Variants in UBAP2L observed in about 807,000 individuals in gnomAD.
UBAP2L encodes the protein ubiquitin associated protein 2 like.
A neutral mutation model predicts 130.6 loss-of-function variants in UBAP2L; 12 were observed. That is an observed-to-expected ratio of 0.09 (90% CI 0.06 to 0.15). The LOEUF (loss-of-function observed/expected upper bound fraction) is 0.15. Among genes scored for constraint, UBAP2L ranks in the 10% least tolerant of loss-of-function variants. The probability of loss-of-function intolerance (pLI) is 1.00; values close to 1 mark genes in which losing one functional copy is unlikely to be tolerated. For synonymous variants in UBAP2L, 503 were observed against 524.7 expected, an observed-to-expected ratio of 0.96 and a Z score of 0.57; for missense variants, 965 against 1,332.5, an observed-to-expected ratio of 0.72 and a Z score of 4.29.
rs756575422 is a variant in UBAP2L at position 154,261,747 on chromosome 1, A to G, written c.2902+50A>G. 24 of 1,579,222 alleles carry G rather than the reference A, an allele frequency of 1.5e-5. No homozygotes were observed. In the Admixed American group the frequency reaches 4.0e-4, roughly 27 times the overall value. On this transcript the variant is annotated intron_variant, in intron 24 of 26. Transcript: ENST00000428931. ...GGTGTTATCTGTGGGGTGTTATTGG[A>G]TAAATTTCAGGGAGGAAGACTTGGT...
intron 22 of UBAP2L, 113 bp from the exon 23 acceptor site, chr1:154,260,779 A>C (rs918527838): frequency 1.2e-5 from 12 of 1,026,602 alleles, no homozygotes; most frequent in East Asian, 7.6e-5. Context: ...CAAGGAATTG[A>C]ACTTTAATAG....
chr1:154,235,646 A>T (rs1671422834), intron 6 of UBAP2L, among the ~76,000 whole-genome samples: 1 of 152,146 alleles, frequency 6.6e-6, no homozygotes, highest in African/African-American at 2.4e-5. Flanking sequence ...AGTAGCTGGG[A>T]TTACAAGCGT....
intron 20 of UBAP2L, 101 bp from the exon 21 acceptor site, chr1:154,258,876 A>T: frequency 1.1e-6 from 1 of 941,614 alleles, no homozygotes; most frequent in Non-Finnish European, 1.7e-6. Context: ...TCTAACCCAG[A>T]ATGAGGATGA....
chr1:154,250,778 C>T (rs1305705260), intron 12 of UBAP2L, among the ~76,000 whole-genome samples: 9 of 145,052 alleles, frequency 6.2e-5, no homozygotes, highest in Admixed American at 2.9e-4. Flanking sequence ...ACCCAGGAGT[C>T]GGATGTTGAA....
intron 12 of UBAP2L, 98 bp from the exon 13 acceptor site, chr1:154,250,943 T>C (rs1677410071): frequency 7.4e-7 from 1 of 1,346,424 alleles, no homozygotes; most frequent in African/African-American, 1.5e-5. Context: ...GAGTTTCTGA[T>C]TTTTACAGTC....
rs11412846 is a variant in UBAP2L at position 154,254,816 on chromosome 1, G to GTT, written c.1855-7_1855-6dup. On this transcript the variant is annotated intron_variant, in intron 15 of 26. Transcript: ENST00000428931. ...GAGTTTGTCTGTTTCTTGCTCTTCT[G>GTT]TTTTTTTTTTTTTTACCAGAATGGC... 0.054 allele frequency: 76,714 copies of GTT among 1,421,432 alleles called. 2 individuals are homozygous for GTT. Among genetic ancestry groups the GTT allele is most frequent in the East Asian group, 0.14 (5,315 of 37,368 alleles). 88.1% of individuals were successfully genotyped at this position (1,421,432 alleles called of 1,614,324 possible).
At chr1:154,255,475 G>A in intron 17 of UBAP2L, 149 bp downstream of exon 17, 1 of 1,218,560 alleles carries the variant, frequency 8.2e-7, no homozygotes, top group Non-Finnish European at 1.1e-6. Flanking sequence ...AGTGAAGACA[G>A]AGGAGGCTTG....
chr1:154,257,009 C>T (rs957576176), intron 18 of UBAP2L, 54 bp from the exon 19 acceptor site: 1 of 1,570,156 alleles, frequency 6.4e-7, no homozygotes, highest in Non-Finnish European at 8.6e-7. Context: ...TTTTCCTGAC[C>T]TATGATGCTG....
intron 25 of UBAP2L, among the ~76,000 whole-genome samples, chr1:154,268,363 G>A (rs1683972891): frequency 6.6e-6 from 1 of 151,896 alleles, no homozygotes; most frequent in African/African-American, 2.4e-5. Flanking sequence ...GCTAATTTTT[G>A]TATTTTTAGT....
Position 154,235,262 on chromosome 1 carries a change from G to A in UBAP2L, c.515G>A (p.Arg172Lys). 1 of 779,320 alleles carries A rather than the reference G, an allele frequency of 1.3e-6. No homozygotes were observed. The highest frequency in any genetic ancestry group is 2.4e-6 in the Non-Finnish European group (1 of 417,746). The allele number at this position is 779,320 out of a possible 1,614,324, so 48.3% of individuals were successfully genotyped here. A position where few individuals can be genotyped will look rare whatever the true frequency, so the allele number is the denominator to read the frequency against. The change falls in exon 6 of 27, where the codon AGA becomes AAA. Residue 172 changes from arginine (R) to lysine (K), a missense_variant. Physicochemically the swap from Arg to Lys is conservative, Grantham distance 26. Around this residue, in one of 9 missense-constraint regions of UBAP2L, gnomAD observed 109 missense variants for 146.6 expected, o/e 0.74. Transcript: ENST00000428931. ...GGGCCTTCTGGAAGAGGAACAGAAA[G>A]AGGCAGAAGGGGCCGTGGCCGAGGC... ...SGGPSGRGTE[R>K]GRRGRGRGRG...
intron 4 of UBAP2L, among the ~76,000 whole-genome samples, chr1:154,234,357 T>C (rs188797677): frequency 3.9e-5 from 6 of 152,000 alleles, no homozygotes; most frequent in Admixed American, 2.0e-4. Context: ...AGCGAGACTC[T>C]GTCTCAAAAA....
At chr1:154,266,799 A>T (rs1402093828) in intron 25 of UBAP2L, among the ~76,000 whole-genome samples, 1 of 152,174 alleles carries the variant, frequency 6.6e-6, no homozygotes, top group Admixed American at 6.5e-5. Context: ...AGCGTGGCAA[A>T]TTGTTTATCG....
chr1:154,260,982 A>T lies in UBAP2L; in HGVS notation c.2669A>T (p.His890Leu), dbSNP rs1268300881. 1.2e-6 allele frequency: 2 copies of T among 1,614,010 alleles called. No individual in the cohort carries two copies. Among genetic ancestry groups the T allele is most frequent in the Non-Finnish European group, 1.7e-6 (2 of 1,180,028 alleles). ...AQPQQNQTQT[H>L]HTTQQTFLNP... The stretch of plus-strand genomic sequence containing the variant: ...CCCCAACAGAACCAGACGCAGACTC[A>T]CCATACCACGCAGCAGACATTCCTG... Residue 890 changes from histidine to leucine, a missense_variant, in exon 23 of 27, where the codon CAC becomes CTC. By Grantham distance (99) the His-to-Leu change is moderately conservative (BLOSUM62 -3). This residue lies in a region of UBAP2L where 194 missense variants were observed against 334.0 expected (regional missense o/e 0.58). Transcript: ENST00000428931.
rs1189122139 is a variant in UBAP2L, at chr1:154,226,324, A to G, written c.91-958A>G. On this transcript the variant is annotated intron_variant, in intron 2 of 26. Coordinates refer to ENST00000428931, the MANE Select transcript of UBAP2L (RefSeq NM_014847.4). ...TGCTCAATTTTAAGTTTTAAAGAGT[A>G]AATTAACCTCTTGGATATTAACTTT... 2.0e-5 allele frequency among the ~76,000 whole-genome samples: 3 copies of G among 152,268 alleles called. No homozygotes were observed. In the East Asian group the frequency reaches 5.8e-4, roughly 29 times the overall value.
At chr1:154,228,747 C>A in intron 4 of UBAP2L, 22 bp downstream of exon 4, 1 of 1,572,976 alleles carries the variant, frequency 6.4e-7, no homozygotes, top group South Asian at 1.1e-5. Context: ...ATAGAGTGTT[C>A]TAGGACATGG....
chr1:154,255,036 G>A lies in UBAP2L; in HGVS notation c.1910-116G>A, dbSNP rs1025223612. On this transcript the variant is annotated intron_variant, in intron 16 of 26. Coordinates refer to ENST00000428931, the MANE Select transcript of UBAP2L (RefSeq NM_014847.4). Reference sequence around the variant, plus strand: ...AAGAAAAAAGATTCTACCTAATATAGTCCATTGTTAAATAACTCATCCTTT... The same window carrying A: ...AAGAAAAAAGATTCTACCTAATATAATCCATTGTTAAATAACTCATCCTTT... 7.8e-6 allele frequency: 11 copies of A among 1,415,238 alleles called. No homozygotes were observed. In the South Asian group the frequency reaches 1.5e-4, roughly 19 times the overall value. 87.7% of individuals were successfully genotyped at this position (1,415,238 alleles called of 1,614,324 possible).
intron 3 of UBAP2L, 46 bp downstream of exon 3, chr1:154,227,405 G>GTAT (rs766425189): frequency 2.6e-6 from 4 of 1,524,500 alleles, no homozygotes; most frequent in Non-Finnish European, 3.6e-6. Context: ...AAAGATACCA[G>GTAT]TATTAAGGCA....
At position 154,241,531 on chromosome 1, in the gene UBAP2L, C is replaced by T; in HGVS notation, c.722C>T (p.Thr241Ile). ...TTCTCAGGTGCATGGAGGACTGCAA[C>T]AGAGGAGTGGGGGACTGAAGATTGG... Reference protein sequence around the residue: ...DDGTSAWRTATEEWGTEDWNE... With the variant: ...DDGTSAWRTAIEEWGTEDWNE... The change falls in exon 9 of 27, where the codon ACA (threonine) becomes ATA (isoleucine). Residue 241 changes from threonine (T) to isoleucine (I), a missense_variant. Around this residue, in one of 9 missense-constraint regions of UBAP2L, gnomAD observed 19 missense variants for 52.1 expected, o/e 0.36. Coordinates refer to ENST00000428931, the MANE Select transcript of UBAP2L (RefSeq NM_014847.4). 6.2e-7 allele frequency: 1 copy of T among 1,613,996 alleles called. No individual in the cohort carries two copies. The highest frequency in any genetic ancestry group is 8.5e-7 in the Non-Finnish European group (1 of 1,179,954).
intron 8 of UBAP2L, among the ~76,000 whole-genome samples, chr1:154,239,906 A>G (rs1672933144): frequency 1.3e-5 from 2 of 152,238 alleles, no homozygotes; most frequent in Non-Finnish European, 2.9e-5. Context: ...GAATATTGTC[A>G]TTATTAAGTG....
Sources: allele counts gnomAD v4.1 joint callset (sites outside exome capture counted in the v4.1 genomes callset), GRCh38; gene constraint gnomAD v4.1.1; regional missense constraint gnomAD v4.1.1; transcripts MANE v1.5; gene names NCBI Gene and HGNC (gene_info 2026-07-23, HGNC 2026-07-21).